Variants in LPP observed in about 807,000 individuals in gnomAD.
LPP encodes the protein LIM domain containing preferred translocation partner in lipoma, also known as lipoma-preferred partner.
A neutral mutation model predicts 60.4 loss-of-function variants in LPP; 38 were observed. The ratio of observed to expected loss-of-function variants is 0.63; its 90% CI spans 0.49 to 0.83. The LOEUF is 0.83. Among genes scored for constraint, LPP ranks in the 40% least tolerant of loss-of-function variants. LPP has a pLI of 0.00. For synonymous variants in LPP, 328 were observed against 290.8 expected (o/e 1.13, Z -1.30); for missense variants, 902 against 783.6 (o/e 1.15, Z -1.80).
At chr3:188,482,178 A>T (rs532047710) in intron 4 of LPP, among the ~76,000 whole-genome samples, 1 of 152,266 alleles carries the variant, frequency 6.6e-6, no homozygotes, top group African/African-American at 2.4e-5. Flanking sequence ...AACTTTCCTG[A>T]GGCCCTCTAG....
Position 188,241,919 on chromosome 3 carries a change from G to A in LPP, c.-67+16392G>A, listed in dbSNP as rs116676905. Among the ~76,000 whole-genome samples the A allele has an allele frequency of 1.5e-3, 230 of 152,220 alleles. 1 individual carries two copies. The highest frequency in any genetic ancestry group is 5.3e-3 in the African/African-American group (219 of 41,536). On this transcript the variant is annotated intron_variant, in intron 2 of 11. Coordinates refer to ENST00000617246, the MANE Select transcript of LPP (RefSeq NM_001375462.1). Reference sequence around the variant, plus strand: ...TTCCAGCTAGGCATATGGAATAAAGGTCTTTATTCCAGTGACCTCTGCTCA... The same window carrying A: ...TTCCAGCTAGGCATATGGAATAAAGATCTTTATTCCAGTGACCTCTGCTCA...
chr3:188,634,097 A>G (rs1407240595), intron 7 of LPP, among the ~76,000 whole-genome samples: 2 of 152,226 alleles, frequency 1.3e-5, no homozygotes, highest in African/African-American at 4.8e-5. Flanking sequence ...AAACCTTAAT[A>G]AAAAGAAAAT....
Position 188,215,662 on chromosome 3 carries a change from G to A in LPP, c.-189-9743G>A, listed in dbSNP as rs191217383. On this transcript the variant is annotated intron_variant, in intron 1 of 11. Coordinates refer to ENST00000617246, the MANE Select transcript of LPP (RefSeq NM_001375462.1). Reference sequence around the variant, plus strand: ...TGTGGTAATGAATATACCACATTTTGTCTATCCATTTAGGTACTATTTTTT... The same window carrying A: ...TGTGGTAATGAATATACCACATTTTATCTATCCATTTAGGTACTATTTTTT... 6.3e-4 allele frequency among the ~76,000 whole-genome samples: 96 copies of A among 152,228 alleles called. 1 individual carries two copies. The highest frequency in any genetic ancestry group is 2.1e-3 in the African/African-American group (88 of 41,520).
intron 2 of LPP, among the ~76,000 whole-genome samples, chr3:188,305,619 G>T (rs577455068): frequency 6.6e-6 from 1 of 151,980 alleles, no homozygotes; most frequent in Non-Finnish European, 1.5e-5. Context: ...ACACACACAC[G>T]CAAAGTGATT....
intron 9 of LPP, among the ~76,000 whole-genome samples, chr3:188,845,613 T>G (rs1205215612): frequency 6.6e-6 from 1 of 152,176 alleles, no homozygotes; most frequent in Non-Finnish European, 1.5e-5. Flanking sequence ...ACAGCAAGTT[T>G]CTTTCATAAA....
chr3:188,276,693 CTT>C (rs369575607), intron 2 of LPP, among the ~76,000 whole-genome samples: 64 of 15,028 alleles, frequency 4.3e-3, no homozygotes, highest in African/African-American at 0.036. Flanking sequence ...CTCTCTCTCT[CTT>C]TCTCTCTCTC....
At chr3:188,300,428 TTAA>T (rs1402177002) in intron 2 of LPP, among the ~76,000 whole-genome samples, 2 of 151,566 alleles carry the variant, frequency 1.3e-5, no homozygotes, top group African/African-American at 4.9e-5. Context: ...GGAACTTACT[TTAA>T]AACATGGCAG....
chr3:188,355,647 T>C (rs1767381011), intron 3 of LPP, among the ~76,000 whole-genome samples: 1 of 152,178 alleles, frequency 6.6e-6, no homozygotes, highest in African/African-American at 2.4e-5. Flanking sequence ...TATGTACATA[T>C]ATATGATCTG....
intron 2 of LPP, among the ~76,000 whole-genome samples, chr3:188,231,447 A>G (rs1192666063): frequency 6.6e-6 from 1 of 152,188 alleles, no homozygotes; most frequent in African/African-American, 2.4e-5. Flanking sequence ...ATAGCACAGG[A>G]TGTAAAGTTG....
intron 8 of LPP, 132 bp downstream of exon 8, chr3:188,708,525 C>A: frequency 8.6e-7 from 1 of 1,169,150 alleles, no homozygotes; most frequent in Non-Finnish European, 1.3e-6. Flanking sequence ...TATACATCCC[C>A]GCACAACTAA....
intron 1 of LPP, among the ~76,000 whole-genome samples, chr3:188,168,469 C>G (rs1006171548): frequency 3.3e-5 from 5 of 152,148 alleles, no homozygotes; most frequent in African/African-American, 1.2e-4. Flanking sequence ...AAAACATGGT[C>G]ACCTGGTTCT....
chr3:188,495,084 T>A (rs1182930273), intron 5 of LPP, among the ~76,000 whole-genome samples: 164 of 15,388 alleles, frequency 0.011, 4 homozygotes, highest in African/African-American at 0.016. Flanking sequence ...ATATATATAT[T>A]TTATTTATAT....
At chr3:188,470,370 T>G (rs1801557622) in intron 4 of LPP, among the ~76,000 whole-genome samples, 1 of 151,494 alleles carries the variant, frequency 6.6e-6, no homozygotes. Context: ...GTCACTCAGT[T>G]TCTCAATCTT....
At chr3:188,611,574 C>G (rs1843724097) in intron 7 of LPP, among the ~76,000 whole-genome samples, 1 of 152,182 alleles carries the variant, frequency 6.6e-6, no homozygotes, top group East Asian at 1.9e-4. Context: ...CAACTGCTGT[C>G]AAGGTTTAAG....
intron 3 of LPP, among the ~76,000 whole-genome samples, chr3:188,400,195 A>C (rs182914781): frequency 9.6e-4 from 146 of 152,330 alleles, no homozygotes; most frequent in Non-Finnish European, 1.5e-3. Context: ...TAATAAGAGC[A>C]AAAACTACTG....
chr3:188,824,265 G>A (rs1414302065), intron 9 of LPP, among the ~76,000 whole-genome samples: 1 of 152,144 alleles, frequency 6.6e-6, no homozygotes, highest in Non-Finnish European at 1.5e-5. Context: ...TGTAGAATGC[G>A]GTAGCAATAG....
intron 2 of LPP, among the ~76,000 whole-genome samples, chr3:188,311,422 A>G (rs1753369272): frequency 1.3e-5 from 2 of 151,962 alleles, no homozygotes; most frequent in Admixed American, 6.6e-5. Context: ...GCAGTGAGCT[A>G]TGATTGTGCT....
intron 1 of LPP, among the ~76,000 whole-genome samples, chr3:188,224,662 G>A (rs1717066354): frequency 6.6e-6 from 1 of 152,140 alleles, no homozygotes; most frequent in African/African-American, 2.4e-5. Flanking sequence ...TTTACTCATG[G>A]CTGAAGGCAA....
intron 2 of LPP, among the ~76,000 whole-genome samples, chr3:188,329,993 C>T (rs1024856453): frequency 2.6e-5 from 4 of 152,122 alleles, no homozygotes; most frequent in African/African-American, 9.7e-5. Context: ...CTTTGCTCCC[C>T]AATTATTCTC....
Sources: allele counts gnomAD v4.1 joint callset (sites outside exome capture counted in the v4.1 genomes callset), GRCh38; gene constraint gnomAD v4.1.1; transcripts MANE v1.5; gene names NCBI Gene and HGNC (gene_info 2026-07-23, HGNC 2026-07-21).